Variants in PARD3B observed in about 807,000 individuals in gnomAD.
PARD3B encodes par-3 family cell polarity regulator beta.
Under a neutral mutation model 130.2 loss-of-function variants are expected in PARD3B, and 103 were observed. That is an observed-to-expected ratio of 0.79 (90% CI 0.67 to 0.93). The LOEUF (loss-of-function observed/expected upper bound fraction) is 0.93. Among genes scored for constraint, PARD3B ranks in the 40% least tolerant of loss-of-function variants. The pLI, the probability that PARD3B is intolerant of heterozygous loss-of-function variation, is 0.00. For missense variants in PARD3B, 1,609 were observed against 1,499.2 expected, an observed-to-expected ratio of 1.07 and a Z score of -1.21; for synonymous variants, 583 against 553.2, an observed-to-expected ratio of 1.05 and a Z score of -0.76.
rs747189182 is a variant in PARD3B at position 205,121,542 on chromosome 2, G to A, written c.807-49G>A. On this transcript the variant is annotated intron_variant, in intron 7 of 22. Coordinates refer to ENST00000406610, the MANE Select transcript of PARD3B (RefSeq NM_001302769.2). The surrounding 1 kb of genome is among the most constrained non-coding windows in gnomAD (Gnocchi z 5.0). ...ATCCTCCTGGGGTACTTTAGAAGATGCTGCACCTCAAAGCAGGGTCATCAT... is the reference window on the plus strand; with the variant it reads ...ATCCTCCTGGGGTACTTTAGAAGATACTGCACCTCAAAGCAGGGTCATCAT... 1.3e-6 allele frequency: 2 copies of A among 1,524,604 alleles called. No individual in the cohort carries two copies. The highest frequency in any genetic ancestry group is 1.8e-6 in the Non-Finnish European group (2 of 1,110,126). The allele number at this position is 1,524,604 out of a possible 1,614,324, so 94.4% of individuals were successfully genotyped here. A position where few individuals can be genotyped will look rare whatever the true frequency, so the allele number is the denominator to read the frequency against.
intron 16 of PARD3B, among the ~76,000 whole-genome samples, chr2:205,294,040 A>C (rs1326769536): frequency 6.6e-6 from 1 of 152,186 alleles, no homozygotes; most frequent in African/African-American, 2.4e-5. Context: ...ATAAGTACCC[A>C]CATGTCTCTT....
intron 20 of PARD3B, among the ~76,000 whole-genome samples, chr2:205,479,990 C>A (rs1015129284): frequency 6.6e-6 from 1 of 150,590 alleles, no homozygotes; most frequent in African/African-American, 2.4e-5. Context: ...GCAACCTCTG[C>A]CTCCCAGGTT....
rs200031558 is a variant in PARD3B, at chr2:205,301,536, C to T, written c.2465C>T (p.Ser822Leu). The stretch of plus-strand genomic sequence containing the variant: ...TGTGAGTCTGCCCCTCAGGGGAATT[C>T]GGAGCTAGAGGACATGGAAAATAAA... The part of the protein sequence containing the change: ...LNCESAPQGN[S>L]ELEDMENKAR... Residue 822 changes from serine to leucine, a missense_variant, in exon 18 of 23, where the codon TCG becomes TTG. Physicochemically the swap from Ser to Leu is moderately radical, Grantham distance 145. Transcript: ENST00000406610. The surrounding 1 kb of genome is among the most constrained non-coding windows in gnomAD (Gnocchi z 5.2). 3.6e-5 allele frequency: 58 copies of T among 1,612,946 alleles called. No homozygotes were observed. Among genetic ancestry groups the T allele is most frequent in the East Asian group, 3.1e-4 (14 of 44,844 alleles).
rs1280141397 is a variant in PARD3B at position 205,553,355 on chromosome 2, A to G, written c.3212A>G (p.His1071Arg). Residue 1071 changes from histidine to arginine, a missense_variant, in exon 22 of 23, where the codon CAC becomes CGC. Transcript: ENST00000406610. ...GGAAGGGGTCCAGATGGGAATGCACACAACCTCCGCTTTGAAGGGATGGAG... is the reference window on the plus strand; with the variant it reads ...GGAAGGGGTCCAGATGGGAATGCACGCAACCTCCGCTTTGAAGGGATGGAG... ...VPGRGPDGNA[H>R]NLRFEGMERQ... The G allele has an allele frequency of 2.5e-6, 4 of 1,613,924 alleles. No individual in the cohort carries two copies. Among genetic ancestry groups the G allele is most frequent in the African/African-American group, 2.7e-5 (2 of 74,902 alleles).
In PARD3B at chr2:204,906,984, T is replaced by C. The variant is rs192721519; in HGVS notation, c.223-58168T>C. Among the ~76,000 whole-genome samples the C allele has an allele frequency of 3.8e-3, 560 of 149,068 alleles. 7 individuals carry two copies. The highest frequency in any genetic ancestry group is 0.013 in the African/African-American group (540 of 40,546). ...ATTTTTAAGTGGAAAACATGAAAGC[T>C]TTTTTTTTTCTTTTCAGACTGAGTC... On this transcript the variant is annotated intron_variant, in intron 2 of 22. Coordinates refer to ENST00000406610, the MANE Select transcript of PARD3B (RefSeq NM_001302769.2). The surrounding 1 kb of genome is among the most constrained non-coding windows in gnomAD (Gnocchi z 4.3).
chr2:205,534,528 G>T (rs939437252), intron 21 of PARD3B, among the ~76,000 whole-genome samples: 2 of 152,178 alleles, frequency 1.3e-5, no homozygotes, highest in Non-Finnish European at 2.9e-5. Context: ...AAGTGTAGTG[G>T]CATGATCTCA....
chr2:205,282,522 TAC>T (rs1200267672), intron 16 of PARD3B, among the ~76,000 whole-genome samples: 1 of 134,530 alleles, frequency 7.4e-6, no homozygotes, highest in South Asian at 2.5e-4. Flanking sequence ...TATATATATG[TAC>T]ACACACACAT....
intron 2 of PARD3B, among the ~76,000 whole-genome samples, chr2:204,900,291 T>G (rs1199870942): frequency 6.6e-6 from 1 of 152,202 alleles, no homozygotes; most frequent in Non-Finnish European, 1.5e-5. Flanking sequence ...TAGGTGTACT[T>G]CATTGTTCTT....
rs181337004 is a variant in PARD3B, at chr2:205,578,762, A to G, written c.3260+25359A>G. Among the ~76,000 whole-genome samples the G allele has an allele frequency of 4.5e-4, 68 of 152,346 alleles. No individual in the cohort carries two copies. In the Middle Eastern group the frequency reaches 0.014, roughly 30 times the overall value. On this transcript the variant is annotated intron_variant, in intron 22 of 22. Transcript: ENST00000406610. The stretch of plus-strand genomic sequence containing the variant: ...TGAAGTCAAAATCTATGTCATTATT[A>G]TATAGATTCTTGCACTGACACATCA...
chr2:204,748,917 T>C (rs1049845990), intron 2 of PARD3B, among the ~76,000 whole-genome samples: 1 of 152,312 alleles, frequency 6.6e-6, no homozygotes, highest in Non-Finnish European at 1.5e-5. Flanking sequence ...TGATAGAATT[T>C]CAGTTTGTTG....
chr2:204,624,465 G>A (rs1445684836), intron 1 of PARD3B, among the ~76,000 whole-genome samples: 1 of 152,098 alleles, frequency 6.6e-6, no homozygotes, highest in East Asian at 1.9e-4. Context: ...ATACTTCTGG[G>A]TACCTATACA....
intron 2 of PARD3B, among the ~76,000 whole-genome samples, chr2:204,753,997 A>G (rs2040567337): frequency 6.6e-6 from 1 of 152,214 alleles, no homozygotes; most frequent in Non-Finnish European, 1.5e-5. Context: ...AATTCTGTAT[A>G]GTCTGCATAG....
chr2:205,297,051 G>A (rs550195403), intron 16 of PARD3B, among the ~76,000 whole-genome samples: 1 of 152,044 alleles, frequency 6.6e-6, no homozygotes, highest in South Asian at 2.1e-4. Context: ...TCTTGTGTAT[G>A]TTGAGCTCAT....
intron 22 of PARD3B, among the ~76,000 whole-genome samples, chr2:205,581,761 T>A (rs2106571827): frequency 6.6e-6 from 1 of 152,110 alleles, no homozygotes; most frequent in Admixed American, 6.5e-5. Context: ...AAAATCAAAA[T>A]TTTTAAAAAG....
chr2:205,185,722 C>A, intron 13 of PARD3B, 42 bp from the exon 14 acceptor site: 1 of 1,555,766 alleles, frequency 6.4e-7, no homozygotes, highest in Non-Finnish European at 8.9e-7. Flanking sequence ...TCGAATGGTT[C>A]TGCTTCCACT....
At chr2:205,543,414 A>C (rs1253756173) in intron 21 of PARD3B, among the ~76,000 whole-genome samples, 1 of 152,274 alleles carries the variant, frequency 6.6e-6, no homozygotes, top group African/African-American at 2.4e-5. Context: ...AAGACCACAA[A>C]CCACTGAGAA....
At chr2:204,913,029 T>C (rs1419991163) in intron 2 of PARD3B, among the ~76,000 whole-genome samples, 4 of 152,238 alleles carry the variant, frequency 2.6e-5, no homozygotes, top group Admixed American at 1.3e-4. Flanking sequence ...GTCATATGTT[T>C]ATAAAATGAA....
intron 19 of PARD3B, among the ~76,000 whole-genome samples, chr2:205,425,962 A>G (rs2047130513): frequency 6.6e-6 from 1 of 152,204 alleles, no homozygotes; most frequent in Admixed American, 6.6e-5. Context: ...AGTATTATAG[A>G]ATGTCAAATT....
At chr2:205,579,239 C>T (rs1015182006) in intron 22 of PARD3B, among the ~76,000 whole-genome samples, 1 of 151,940 alleles carries the variant, frequency 6.6e-6, no homozygotes, top group Non-Finnish European at 1.5e-5. Flanking sequence ...GAGGAATGTC[C>T]GAGTTAAAGA....
Sources: allele counts gnomAD v4.1 joint callset (sites outside exome capture counted in the v4.1 genomes callset), GRCh38; gene constraint gnomAD v4.1.1; non-coding constraint Gnocchi (gnomAD v3.1); transcripts MANE v1.5; gene names NCBI Gene and HGNC (gene_info 2026-07-23, HGNC 2026-07-21).